GRM7: variants seen among roughly 807,000 people sequenced by gnomAD.
GRM7 encodes glutamate metabotropic receptor 7.
Under a neutral mutation model 84.5 loss-of-function variants are expected in GRM7, and 35 were observed. The ratio of observed to expected loss-of-function variants is 0.41; its 90% CI spans 0.32 to 0.55. GRM7 has a LOEUF of 0.55. Among genes scored for constraint, GRM7 ranks in the 20% least tolerant of loss-of-function variants. GRM7 has a pLI of 0.19. For missense variants in GRM7, 1,003 were observed against 1,194.6 expected (o/e 0.84, Z 2.36); for synonymous variants, 487 against 455.1 (o/e 1.07, Z -0.89).
intron 4 of GRM7, 27 bp from the exon 5 acceptor site, chr3:7,414,996 A>G (rs1224947445): frequency 1.9e-6 from 3 of 1,591,094 alleles, no homozygotes; most frequent in Middle Eastern, 3.4e-4. Context: ...CCCGCAAGCA[A>G]TGACCTTTTC....
chr3:7,010,901 T>C (rs1489470399), intron 1 of GRM7, among the ~76,000 whole-genome samples: 1 of 152,190 alleles, frequency 6.6e-6, no homozygotes, highest in Non-Finnish European at 1.5e-5. Context: ...CCCTGTAGCA[T>C]TGACCAGTCA....
chr3:7,386,150 G>C (rs1694778182), intron 4 of GRM7, among the ~76,000 whole-genome samples: 1 of 152,172 alleles, frequency 6.6e-6, no homozygotes, highest in Admixed American at 6.5e-5. Context: ...AAAGGGGATA[G>C]CTCTTGTGTA....
intron 1 of GRM7, among the ~76,000 whole-genome samples, chr3:6,908,851 T>C (rs551293442): frequency 1.3e-5 from 2 of 152,286 alleles, no homozygotes; most frequent in South Asian, 2.1e-4. Context: ...ATATGTCTTG[T>C]GGTCTGACTG....
At chr3:7,125,213 A>T (rs1693358153) in intron 1 of GRM7, among the ~76,000 whole-genome samples, 1 of 152,188 alleles carries the variant, frequency 6.6e-6, no homozygotes, top group Non-Finnish European at 1.5e-5. Flanking sequence ...TGCTGGGATT[A>T]CAGGCGTGAG....
chr3:7,294,851 C>G (rs190303249), intron 2 of GRM7, among the ~76,000 whole-genome samples: 1 of 152,190 alleles, frequency 6.6e-6, no homozygotes, highest in Admixed American at 6.5e-5. Context: ...GAATTCAGAT[C>G]TTTTCTGTTT....
chr3:7,191,690 G>A (rs115777409), intron 2 of GRM7, among the ~76,000 whole-genome samples: 2,658 of 150,408 alleles, frequency 0.018, 35 homozygotes, highest in Non-Finnish European at 0.028. Flanking sequence ...TTCTTGAAAC[G>A]ACAAGGCATG....
chr3:7,550,345 C>G (rs1238677675), intron 7 of GRM7, among the ~76,000 whole-genome samples: 2 of 142,744 alleles, frequency 1.4e-5, no homozygotes, highest in African/African-American at 5.2e-5. Flanking sequence ...CTTCCCTCCT[C>G]CCTTCTCCCT....
At chr3:6,951,725 A>G (rs549768669) in intron 1 of GRM7, among the ~76,000 whole-genome samples, 2 of 152,170 alleles carry the variant, frequency 1.3e-5, no homozygotes, top group Non-Finnish European at 2.9e-5. Flanking sequence ...AAAAAAATAT[A>G]TGTGTGTTCC....
intron 1 of GRM7, among the ~76,000 whole-genome samples, chr3:7,023,599 T>A (rs1695861179): frequency 6.6e-6 from 1 of 152,136 alleles, no homozygotes; most frequent in Admixed American, 6.5e-5. Context: ...AGGTTAGAAG[T>A]CCAAATTCAA....
intron 3 of GRM7, among the ~76,000 whole-genome samples, chr3:7,303,207 T>C (rs762760376): frequency 2.6e-5 from 4 of 152,188 alleles, no homozygotes; most frequent in Non-Finnish European, 5.9e-5. Flanking sequence ...CCCCAAGTAC[T>C]GGGATTACAG....
At chr3:7,370,131 A>G (rs1694070296) in intron 4 of GRM7, among the ~76,000 whole-genome samples, 1 of 152,156 alleles carries the variant, frequency 6.6e-6, no homozygotes, top group Admixed American at 6.6e-5. Flanking sequence ...AAAATTTTCA[A>G]TTAGCTTTCT....
chr3:7,231,377 A>G (rs1169231333), intron 2 of GRM7, among the ~76,000 whole-genome samples: 2 of 152,194 alleles, frequency 1.3e-5, no homozygotes, highest in African/African-American at 2.4e-5. Context: ...CAAATTGGCC[A>G]TCTCCAACAG....
chr3:7,354,247 G>C (rs560346784), intron 4 of GRM7, among the ~76,000 whole-genome samples: 15 of 152,146 alleles, frequency 9.9e-5, no homozygotes, highest in Non-Finnish European at 1.8e-4. Context: ...CCAGACACTG[G>C]ATCTGAACTG....
chr3:7,728,111 T>C (rs162723), intron 9 of GRM7, among the ~76,000 whole-genome samples: 41,727 of 152,090 alleles, frequency 0.27, 6,936 homozygotes, highest in African/African-American at 0.47. Flanking sequence ...TTGACTGTGA[T>C]GGCACACACG....
At chr3:7,239,111 C>G (rs567865212) in intron 2 of GRM7, among the ~76,000 whole-genome samples, 40 of 151,314 alleles carry the variant, frequency 2.6e-4, no homozygotes, top group Non-Finnish European at 5.5e-4. Flanking sequence ...GTGATCTTCC[C>G]ACCTCAGCCT....
rs192833301 is a variant in GRM7, at chr3:7,081,422, A to C, written c.520-65030A>C. ...ACCACAAACAGTCTCCGTGTAAGAC[A>C]ATAAACTTAATCAGTCTTGTGTGTG... On this transcript the variant is annotated intron_variant, in intron 1 of 9. Transcript: ENST00000357716. Among the ~76,000 whole-genome samples the C allele has an allele frequency of 2.0e-5, 3 of 152,198 alleles. No individual in the cohort carries two copies. In the East Asian group the frequency reaches 5.8e-4, roughly 29 times the overall value.
rs111712155 is a variant in GRM7, at chr3:7,566,815, G to T, written c.1516-11607G>T. 5.3e-4 allele frequency among the ~76,000 whole-genome samples: 80 copies of T among 152,214 alleles called. 1 individual carries two copies. Among genetic ancestry groups the T allele is most frequent in the Middle Eastern group, 6.8e-3 (2 of 294 alleles). ...ATTCTTCCAGGGGGAAAAAAAAAAT[G>T]GTTCTGAAATCAAGTAAAATGGGTC... On this transcript the variant is annotated intron_variant, in intron 7 of 9. Coordinates refer to ENST00000357716, the MANE Select transcript of GRM7 (RefSeq NM_000844.4).
At chr3:7,218,013 A>G (rs1336864592) in intron 2 of GRM7, among the ~76,000 whole-genome samples, 1 of 152,062 alleles carries the variant, frequency 6.6e-6, no homozygotes, top group Non-Finnish European at 1.5e-5. Context: ...TGGCTCTATC[A>G]AAATATATTT....
rs1166045594 is a variant in GRM7 at position 6,863,042 on chromosome 3, G to T, written c.519+1135G>T. The T allele has an allele frequency of 4.4e-6, 2 of 455,374 alleles. No homozygotes were observed. Among genetic ancestry groups the T allele is most frequent in the Admixed American group, 2.4e-5 (1 of 42,382 alleles). The allele number at this position is 455,374 out of a possible 1,614,324, so 28.2% of individuals were successfully genotyped here. A position where few individuals can be genotyped will look rare whatever the true frequency, so the allele number is the denominator to read the frequency against. On this transcript the variant is annotated intron_variant, in intron 1 of 9. Transcript: ENST00000357716. This position sits in a 1 kb window ranked among gnomAD's most constrained non-coding sequence, Gnocchi z 4.8. ...TTTGGGGTTTGGAAATTGAGTTTCA[G>T]GGTCTCTGTGATTGTAGGTTCCCTC...
Sources: gnomAD v4.1 joint callset for allele counts (sites outside exome capture counted in the v4.1 genomes callset) on GRCh38, gnomAD v4.1.1 for gene constraint, Gnocchi (gnomAD v3.1) non-coding constraint, MANE v1.5 for transcripts, NCBI Gene and HGNC (gene_info 2026-07-23, HGNC 2026-07-21) for gene names.